The following NXF1 variants were observed in gnomAD, a reference collection of about 807,000 sequenced individuals.
The protein encoded by NXF1 is nuclear RNA export factor 1.
NXF1 carries 43 observed loss-of-function variants against 92.4 expected under a neutral mutation model. The ratio of observed to expected loss-of-function variants is 0.47; its 90% CI spans 0.36 to 0.60. NXF1 has a LOEUF of 0.60. Among genes scored for constraint, NXF1 ranks in the 20% least tolerant of loss-of-function variants. The probability of loss-of-function intolerance (pLI) is 0.00; values close to 1 mark genes in which losing one functional copy is unlikely to be tolerated. For synonymous variants in NXF1, 288 were observed against 292.2 expected (o/e 0.99, Z 0.15); for missense variants, 576 against 793.0 (o/e 0.73, Z 3.29).
chr11:62,798,418 G>C, intron 11 of NXF1, 121 bp downstream of exon 11: 2 of 1,413,108 alleles, frequency 1.4e-6, no homozygotes, highest in Non-Finnish European at 1.9e-6. Context: ...TGGGCGACGA[G>C]TGAAACTCCG....
intron 18 of NXF1, 194 bp downstream of exon 18, chr11:62,794,741 T>C: frequency 1.7e-6 from 1 of 605,250 alleles, no homozygotes. Context: ...CTAGAAGTGG[T>C]GGAGCCAGGA....
intron 5 of NXF1, 57 bp downstream of exon 5, chr11:62,801,885 G>T (rs1030791763): frequency 2.5e-6 from 4 of 1,603,276 alleles, no homozygotes; most frequent in South Asian, 1.1e-5. Context: ...ACAAGACCCA[G>T]TCCCTGCTCT....
intron 1 of NXF1, chr11:62,804,231 G>C (rs1334565713): frequency 2.7e-6 from 4 of 1,468,348 alleles, no homozygotes; most frequent in Non-Finnish European, 3.6e-6. Context: ...AGAGAAGCAG[G>C]ATGTAGAAAT....
intron 3 of NXF1, 77 bp downstream of exon 3, chr11:62,803,342 G>T: frequency 8.3e-7 from 1 of 1,200,530 alleles, no homozygotes. Flanking sequence ...TAATTTTTGT[G>T]GAATAAAATT....
At chr11:62,792,818 T>C (rs1391214569) in intron 19 of NXF1, 117 bp from the exon 20 acceptor site, 2 of 809,082 alleles carry the variant, frequency 2.5e-6, no homozygotes. Flanking sequence ...TATACATCCT[T>C]GCACTATTTA....
chr11:62,803,922 A>C lies in NXF1; in HGVS notation c.85T>G (p.Phe29Val). The C allele has an allele frequency of 6.2e-7, 1 of 1,614,208 alleles. No individual in the cohort carries two copies. Among genetic ancestry groups the C allele is most frequent in the Non-Finnish European group, 8.5e-7 (1 of 1,180,030 alleles). Reference sequence around the variant, plus strand: ...TTTCCTTCACCATATTTCCACCGGAAGGGACCCCGGCCTTTCTTCTTTCTT... The same window carrying C: ...TTTCCTTCACCATATTTCCACCGGACGGGACCCCGGCCTTTCTTCTTTCTT... The part of the protein sequence containing the change: ...PQRKKKGRGP[F>V]RWKYGEGNRR... Residue 29 changes from phenylalanine to valine, a missense_variant, in exon 2 of 21, where the codon TTC (phenylalanine) becomes GTC (valine). Phe to Val is a conservative substitution (Grantham distance 50). Coordinates refer to ENST00000294172, the MANE Select transcript of NXF1 (RefSeq NM_006362.5).
chr11:62,800,583 TTCTAA>T (rs2134774468), intron 9 of NXF1, 97 bp from the exon 10 acceptor site: 1 of 739,768 alleles, frequency 1.4e-6, no homozygotes, highest in Non-Finnish European at 2.2e-6. Flanking sequence ...CTGAGATCTT[TTCTAA>T]TCTTTTAAAA....
Position 62,805,330 on chromosome 11 carries a change from G to T in NXF1, c.27C>A (p.Ser9Arg). Reference sequence around the variant, plus strand: ...CCCGACCCGAAGACCAGCACTTACCGCTGTACGACTTCCCCTCGTCCGCCA... The same window carrying T: ...CCCGACCCGAAGACCAGCACTTACCTCTGTACGACTTCCCCTCGTCCGCCA... MADEGKSY[S>R]EHDDERVNFP... The change falls in exon 1 of 21, where the codon AGC becomes AGA. Residue 9 changes from serine (S) to arginine (R), a missense_variant and splice_region_variant. This residue lies in a region of NXF1 where 151 missense variants were observed against 157.8 expected (regional missense o/e 0.96). Coordinates refer to ENST00000294172, the MANE Select transcript of NXF1 (RefSeq NM_006362.5). 1 of 1,610,608 alleles carries T rather than the reference G, an allele frequency of 6.2e-7. No individual in the cohort carries two copies. The highest frequency in any genetic ancestry group is 8.5e-7 in the Non-Finnish European group (1 of 1,178,522).
At chr11:62,799,620 G>A (rs745432969) in intron 10 of NXF1, 53 of 985,644 alleles carry the variant, frequency 5.4e-5, no homozygotes, top group African/African-American at 1.7e-4. Context: ...TGCAGTGTGT[G>A]AGTGAGGGAG....
At chr11:62,803,191 T>C (rs1031740374) in intron 3 of NXF1, among the ~76,000 whole-genome samples, 9 of 152,020 alleles carry the variant, frequency 5.9e-5, no homozygotes, top group Non-Finnish European at 8.8e-5. Context: ...TGGTGGTGGG[T>C]GTCTGTAGTC....
chr11:62,802,851 C>A (rs1004843661), intron 3 of NXF1, among the ~76,000 whole-genome samples: 3 of 152,178 alleles, frequency 2.0e-5, no homozygotes, highest in African/African-American at 7.2e-5. Flanking sequence ...CCAGGGACTC[C>A]AAGCCCCACA....
rs1331099037 is a variant in NXF1 at position 62,801,218 on chromosome 11, G to C, written c.799-17C>G. On this transcript the variant is annotated splice_polypyrimidine_tract_variant and intron_variant, in intron 8 of 20. Transcript: ENST00000294172. Reference sequence around the variant, plus strand: ...GGACAATAGCTGTGAGGAGAGAAGAGTTTAGAGGAGGCACCACCAGCAAGT... The same window carrying C: ...GGACAATAGCTGTGAGGAGAGAAGACTTTAGAGGAGGCACCACCAGCAAGT... 3.7e-6 allele frequency: 6 copies of C among 1,611,508 alleles called. No homozygotes were observed. The highest frequency in any genetic ancestry group is 5.1e-6 in the Non-Finnish European group (6 of 1,177,710).
chr11:62,792,736 C>CT (rs1418681797), intron 19 of NXF1, 35 bp from the exon 20 acceptor site: 1 of 1,609,932 alleles, frequency 6.2e-7, no homozygotes. Flanking sequence ...TGTAAGAACT[C>CT]TGACTCGTAA....
Position 62,803,850 on chromosome 11 carries a change from C to G in NXF1, c.157G>C (p.Glu53Gln). ...ATTGCCACATCTCCATCATCTTCCT[C>G]AAGGCGGGAAGACCGAATACCAGAA... ...GGSGIRSSRL[E>Q]EDDGDVAMSD... The change falls in exon 2 of 21, where the codon GAG becomes CAG. Residue 53 changes from glutamate to glutamine, a missense_variant. Transcript: ENST00000294172. 1 of 1,614,216 alleles carries G rather than the reference C, an allele frequency of 6.2e-7. No individual in the cohort carries two copies. The highest frequency in any genetic ancestry group is 8.5e-7 in the Non-Finnish European group (1 of 1,180,030).
At chr11:62,800,714 C>A (rs2134774774) in intron 9 of NXF1, among the ~76,000 whole-genome samples, 1 of 152,054 alleles carries the variant, frequency 6.6e-6, no homozygotes, top group Non-Finnish European at 1.5e-5. Context: ...GAGATCCTCC[C>A]ACCTCAGACT....
At chr11:62,792,740 C>T in intron 19 of NXF1, 39 bp from the exon 20 acceptor site, 2 of 1,605,676 alleles carry the variant, frequency 1.2e-6, no homozygotes, top group East Asian at 2.2e-5. Context: ...AGAACTCTGA[C>T]TCGTAAATGC....
Position 62,792,374 on chromosome 11 carries a change from G to C in NXF1, c.*102C>G, listed in dbSNP as rs1319882364. 20 of 1,427,290 alleles carry C rather than the reference G, an allele frequency of 1.4e-5. No individual in the cohort carries two copies. Among genetic ancestry groups the C allele is most frequent in the Non-Finnish European group, 2.0e-5 (20 of 1,012,260 alleles). The allele number at this position is 1,427,290 out of a possible 1,614,324, so 88.4% of individuals were successfully genotyped here. A position where few individuals can be genotyped will look rare whatever the true frequency, so the allele number is the denominator to read the frequency against. On this transcript the variant is annotated 3_prime_UTR_variant, in exon 21 of 21. Transcript: ENST00000294172. ...CCCTCCCTCCCTCGGTCACAGTCAC[G>C]GGGCGGCCTCGGGCCAGACAGGAGG...
intron 9 of NXF1, 102 bp downstream of exon 9, chr11:62,800,992 A>G: frequency 1.2e-6 from 1 of 856,716 alleles, no homozygotes; most frequent in East Asian, 2.5e-5. Flanking sequence ...AAACCAGCAC[A>G]TCTGGCCTGA....
Position 62,805,413 on chromosome 11 carries a change from C to G in NXF1, c.-57G>C, listed in dbSNP as rs1263189855. The G allele has an allele frequency of 1.6e-5, 26 of 1,605,750 alleles. No homozygotes were observed. The South Asian group carries it at 1.9e-4, about 12-fold the overall frequency. The stretch of plus-strand genomic sequence containing the variant: ...GCTGGCCGCTACGCCGGCAAACAAC[C>G]TAACTCCCAAGCGCTCAGGACCGAA... On this transcript the variant is annotated 5_prime_UTR_variant, in exon 1 of 21. Coordinates refer to ENST00000294172, the MANE Select transcript of NXF1 (RefSeq NM_006362.5).
Sources: gnomAD v4.1 joint callset for allele counts (sites outside exome capture counted in the v4.1 genomes callset) on GRCh38, gnomAD v4.1.1 for gene constraint, gnomAD v4.1.1 regional missense constraint, MANE v1.5 for transcripts, NCBI Gene and HGNC (gene_info 2026-07-23, HGNC 2026-07-21) for gene names.